The following NEGR1 variants were observed in gnomAD, a reference collection of about 807,000 sequenced individuals.
The protein encoded by NEGR1 is neuronal growth regulator 1.
NEGR1 carries 10 observed loss-of-function variants against 40.9 expected under a neutral mutation model. The ratio of observed to expected loss-of-function variants is 0.24; its 90% CI spans 0.15 to 0.42. NEGR1 has a LOEUF of 0.42. NEGR1 is among the 10% of genes least tolerant of loss of function. The pLI is 1.00. For synonymous variants in NEGR1, 185 were observed against 166.8 expected, an observed-to-expected ratio of 1.11 and a Z score of -0.84; for missense variants, 352 against 438.9, an observed-to-expected ratio of 0.80 and a Z score of 1.77.
intron 6 of NEGR1, among the ~76,000 whole-genome samples, chr1:71,554,674 C>T (rs528425049): frequency 3.7e-4 from 56 of 151,414 alleles, no homozygotes; most frequent in Non-Finnish European, 5.9e-4. Context: ...CCTCTTTTTT[C>T]CTGGTGGAAA....
At chr1:71,416,987 C>G (rs918126160) in intron 6 of NEGR1, among the ~76,000 whole-genome samples, 18 of 152,138 alleles carry the variant, frequency 1.2e-4, no homozygotes, top group African/African-American at 4.3e-4. Context: ...GTGAGGCTGA[C>G]AGGGATCAAA....
intron 2 of NEGR1, among the ~76,000 whole-genome samples, chr1:71,875,962 C>T (rs925452625): frequency 7.2e-5 from 11 of 152,018 alleles, no homozygotes; most frequent in African/African-American, 7.2e-5. Context: ...TCAAATAAAC[C>T]TAAAGTTATA....
intron 3 of NEGR1, among the ~76,000 whole-genome samples, chr1:71,756,889 T>C (rs991827108): frequency 1.6e-4 from 24 of 151,810 alleles, no homozygotes; most frequent in Non-Finnish European, 2.9e-4. Flanking sequence ...AAAAAAACCC[T>C]CAAAAACAAA....
chr1:71,913,281 A>T (rs995707665), intron 2 of NEGR1, among the ~76,000 whole-genome samples: 5 of 151,928 alleles, frequency 3.3e-5, no homozygotes, highest in Middle Eastern at 3.4e-3. Flanking sequence ...CGCCCAGCTA[A>T]TTTTTTTATT....
intron 3 of NEGR1, among the ~76,000 whole-genome samples, chr1:71,717,112 T>C (rs1005929240): frequency 3.3e-5 from 5 of 152,220 alleles, no homozygotes; most frequent in Non-Finnish European, 5.9e-5. Context: ...ACTGTCTCTC[T>C]GAACAGAACC....
At position 71,939,883 on chromosome 1, in the gene NEGR1, T is replaced by G. The variant is rs920075256; in HGVS notation, c.177-4572A>C. Among the ~76,000 whole-genome samples the G allele has an allele frequency of 3.3e-5, 5 of 152,232 alleles. No individual in the cohort carries two copies. The South Asian group carries it at 1.0e-3, about 32-fold the overall frequency. ...ACCATTTAAGCCTCACATAACCCTA[T>G]GAGCCAGATACTACTATTATCTTAA... On this transcript the variant is annotated intron_variant, in intron 1 of 6. Transcript: ENST00000357731.
At chr1:71,639,568 T>C (rs930969994) in intron 4 of NEGR1, among the ~76,000 whole-genome samples, 2 of 152,048 alleles carry the variant, frequency 1.3e-5, no homozygotes, top group African/African-American at 2.4e-5. Flanking sequence ...TTGTAGGAAG[T>C]TAGAAGGTGA....
chr1:71,460,945 A>G (rs1416840352), intron 6 of NEGR1, among the ~76,000 whole-genome samples: 1 of 152,140 alleles, frequency 6.6e-6, no homozygotes, highest in Non-Finnish European at 1.5e-5. Context: ...CAAAAAAAAA[A>G]CTTATCCCAC....
intron 1 of NEGR1, among the ~76,000 whole-genome samples, chr1:72,236,827 T>C (rs565386207): frequency 6.6e-6 from 1 of 152,134 alleles, no homozygotes; most frequent in East Asian, 1.9e-4. Flanking sequence ...TAAAATAATC[T>C]ATAGAGATTT....
intron 2 of NEGR1, among the ~76,000 whole-genome samples, chr1:71,899,118 T>G (rs1661076519): frequency 6.7e-6 from 1 of 150,034 alleles, no homozygotes; most frequent in African/African-American, 2.5e-5. Context: ...AGAATCCACT[T>G]TTGCAACTTC....
At chr1:71,880,967 A>G (rs1434999079) in intron 2 of NEGR1, among the ~76,000 whole-genome samples, 17 of 152,086 alleles carry the variant, frequency 1.1e-4, no homozygotes, top group Admixed American at 1.1e-3. Flanking sequence ...TAAATGTAAT[A>G]ATAATGGCAA....
intron 2 of NEGR1, among the ~76,000 whole-genome samples, chr1:71,826,518 A>G (rs1658631387): frequency 6.6e-6 from 1 of 151,828 alleles, no homozygotes; most frequent in Non-Finnish European, 1.5e-5. Flanking sequence ...CTTTACCTGA[A>G]CAATTTGCAA....
In NEGR1 at chr1:71,399,287, A is replaced by C. The variant is rs940292362; in HGVS notation, c.*8159T>G. On this transcript the variant is annotated 3_prime_UTR_variant, in exon 7 of 7. Coordinates refer to ENST00000357731, the MANE Select transcript of NEGR1 (RefSeq NM_173808.3). ...TGCTTATTCAAATGTAAAAAAAAAA[A>C]CCCAGTCTTTCTCCTTGTCAACATT... 6.6e-6 allele frequency: 1 copy of C among 152,196 alleles called. No individual in the cohort carries two copies. The highest frequency in any genetic ancestry group is 1.5e-5 in the Non-Finnish European group (1 of 67,992). 9.4% of individuals were successfully genotyped at this position (152,196 alleles called of 1,614,324 possible).
At chr1:71,690,648 A>AGAGAGAGAGAGAGAGAGG (rs1653243524) in intron 4 of NEGR1, among the ~76,000 whole-genome samples, 5 of 149,524 alleles carry the variant, frequency 3.3e-5, no homozygotes, top group Admixed American at 6.7e-5. Flanking sequence ...AGAGAGAGAG[A>AGAGAGAGAGAGAGAGAGG]GAGAGAGAGA....
At chr1:71,492,229 A>G (rs1171434311) in intron 6 of NEGR1, among the ~76,000 whole-genome samples, 1 of 152,148 alleles carries the variant, frequency 6.6e-6, no homozygotes, top group Non-Finnish European at 1.5e-5. Context: ...AAATGCAAGT[A>G]AGAGTTTCAG....
chr1:71,467,727 C>T (rs1183238191), intron 6 of NEGR1, among the ~76,000 whole-genome samples: 1 of 151,764 alleles, frequency 6.6e-6, no homozygotes, highest in East Asian at 1.9e-4. Context: ...AAGCAAATTG[C>T]TTGTCAAAAT....
At chr1:72,047,153 C>T (rs1647010428) in intron 1 of NEGR1, among the ~76,000 whole-genome samples, 1 of 149,982 alleles carries the variant, frequency 6.7e-6, no homozygotes, top group Non-Finnish European at 1.5e-5. Context: ...TTTTTTTGTG[C>T]CAGCAATCTG....
intron 4 of NEGR1, among the ~76,000 whole-genome samples, chr1:71,690,619 C>CAGAGAGAGAGAG (rs59019409): frequency 0.016 from 1,107 of 67,576 alleles, 74 homozygotes; most frequent in Non-Finnish European, 0.019. Flanking sequence ...TAGAGGGAGA[C>CAGAGAGAGAGAG]AGAGAGAGAG....
At chr1:72,038,559 G>A (rs1646924738) in intron 1 of NEGR1, among the ~76,000 whole-genome samples, 1 of 151,862 alleles carries the variant, frequency 6.6e-6, no homozygotes, top group African/African-American at 2.4e-5. Flanking sequence ...AACTCCATTT[G>A]CAAATGATTT....
Sources: gnomAD v4.1 joint callset for allele counts (sites outside exome capture counted in the v4.1 genomes callset) on GRCh38, gnomAD v4.1.1 for gene constraint, MANE v1.5 for transcripts, NCBI Gene and HGNC (gene_info 2026-07-23, HGNC 2026-07-21) for gene names.